The following RPS6KA2 variants were observed in gnomAD, a reference collection of about 807,000 sequenced individuals.
RPS6KA2 encodes the protein ribosomal protein S6 kinase alpha-2.
RPS6KA2 carries 42 observed loss-of-function variants against 91.8 expected under a neutral mutation model. That is an observed-to-expected ratio of 0.46 (90% CI 0.36 to 0.59). The LOEUF is 0.59. RPS6KA2 is among the 20% of genes least tolerant of loss of function. The probability of loss-of-function intolerance (pLI) is 0.00; values close to 1 mark genes in which losing one functional copy is unlikely to be tolerated. For synonymous variants in RPS6KA2, 414 were observed against 393.6 expected (o/e 1.05, Z -0.61); for missense variants, 798 against 978.5 (o/e 0.82, Z 2.46).
chr6:166,815,041 T>A (rs915871150), intron 2 of RPS6KA2, among the ~76,000 whole-genome samples: 1 of 152,234 alleles, frequency 6.6e-6, no homozygotes, highest in African/African-American at 2.4e-5. Flanking sequence ...GGACCACTGC[T>A]TTCAAGGTAG....
chr6:166,661,710 A>T (rs1446477836), intron 2 of RPS6KA2, among the ~76,000 whole-genome samples: 1 of 152,140 alleles, frequency 6.6e-6, no homozygotes, highest in Admixed American at 6.5e-5. Context: ...AGTCAAATCG[A>T]ATAGCTTCTT....
chr6:166,712,428 C>T lies in RPS6KA2; in HGVS notation c.123+145772G>A, dbSNP rs189185217. 6.0e-4 allele frequency among the ~76,000 whole-genome samples: 92 copies of T among 152,316 alleles called. 1 individual carries two copies. The highest frequency in any genetic ancestry group is 2.1e-3 in the South Asian group (10 of 4,818). ...AGATAACACTCGTCAAAACAGAGGACGACTAAGGATCTGGAGTCAAGAGTT... is the reference window on the plus strand; with the variant it reads ...AGATAACACTCGTCAAAACAGAGGATGACTAAGGATCTGGAGTCAAGAGTT... On this transcript the variant is annotated intron_variant, in intron 2 of 21. Transcript: ENST00000503859.
At chr6:166,834,177 T>C (rs1316036627) in intron 2 of RPS6KA2, among the ~76,000 whole-genome samples, 1 of 152,240 alleles carries the variant, frequency 6.6e-6, no homozygotes, top group Non-Finnish European at 1.5e-5. Context: ...TTCCAGTTAT[T>C]TCACACCTTT....
Position 166,433,731 on chromosome 6 carries a change from G to C in RPS6KA2, c.1333-1241C>G, listed in dbSNP as rs1385857801. 6.6e-6 allele frequency among the ~76,000 whole-genome samples: 1 copy of C among 152,154 alleles called. No individual in the cohort carries two copies. The highest frequency in any genetic ancestry group is 2.4e-5 in the African/African-American group (1 of 41,444). On this transcript the variant is annotated intron_variant, in intron 14 of 20. Transcript: ENST00000265678. The surrounding 1 kb of genome is among the most constrained non-coding windows in gnomAD (Gnocchi z 4.4). ...AACTTCTATCATGTCAAAGTCTCTA[G>C]GCAGAGCTTTGCATAAAACTCTATT...
chr6:166,805,411 G>A (rs1443863163), intron 2 of RPS6KA2, among the ~76,000 whole-genome samples: 2 of 152,184 alleles, frequency 1.3e-5, no homozygotes, highest in South Asian at 2.1e-4. Flanking sequence ...GAGATTTAAA[G>A]AATCGGCACA....
chr6:166,502,682 C>T (rs1005461323), intron 6 of RPS6KA2, among the ~76,000 whole-genome samples: 11 of 152,192 alleles, frequency 7.2e-5, no homozygotes, highest in African/African-American at 1.9e-4. Flanking sequence ...ACCTTGGCAA[C>T]GACCCAAGGT....
chr6:166,618,159 C>T (rs1256441659), intron 1 of RPS6KA2, among the ~76,000 whole-genome samples: 1 of 152,250 alleles, frequency 6.6e-6, no homozygotes, highest in Non-Finnish European at 1.5e-5. Flanking sequence ...CCATGGGTGG[C>T]CAAGCCACAT....
rs1244919567 is a variant in RPS6KA2, at chr6:166,733,337, C to A, written c.123+124863G>T. ...TGTCAGTAACAGCAGTGGTGTTGGC[C>A]GTCTTGATCAGTTTATTATGTCTTG... On this transcript the variant is annotated intron_variant, in intron 2 of 21. Transcript: ENST00000503859. The surrounding 1 kb of genome is among the most constrained non-coding windows in gnomAD (Gnocchi z 4.1). Among the ~76,000 whole-genome samples the A allele has an allele frequency of 6.6e-6, 1 of 152,084 alleles. No individual in the cohort carries two copies. Among genetic ancestry groups the A allele is most frequent in the Non-Finnish European group, 1.5e-5 (1 of 68,020 alleles).
intron 2 of RPS6KA2, among the ~76,000 whole-genome samples, chr6:166,833,848 G>A (rs1002499649): frequency 6.6e-6 from 1 of 152,056 alleles, no homozygotes; most frequent in Non-Finnish European, 1.5e-5. Context: ...TTTCATGGAT[G>A]TATGTTTTTA....
rs1332463868 is a variant in RPS6KA2, at chr6:166,430,595, T to G, written c.1439A>C (p.Lys480Thr). ...ITLKDVYDDG[K>T]FVYLVMELMR... is the part of the protein sequence containing the mutation. ...CAGCTCCATTACCAGGTACACAAAC[T>G]TGCCATCATCATAGACCTGCGGAGT... is the stretch of plus-strand genomic sequence containing the variant. The change falls in exon 16 of 21, where the codon AAG becomes ACG. Residue 480 changes from lysine to threonine, a missense_variant. Physicochemically the swap from Lys to Thr is moderately conservative, Grantham distance 78 (BLOSUM62 -1). Coordinates refer to ENST00000265678, the MANE Select transcript of RPS6KA2 (RefSeq NM_021135.6). 8.7e-6 allele frequency: 14 copies of G among 1,613,470 alleles called. No individual in the cohort carries two copies. Among genetic ancestry groups the G allele is most frequent in the Non-Finnish European group, 1.1e-5 (13 of 1,179,704 alleles).
chr6:166,526,372 G>T (rs138147691), intron 3 of RPS6KA2, among the ~76,000 whole-genome samples: 1,535 of 134,612 alleles, frequency 0.011, 32 homozygotes, highest in African/African-American at 0.043. Flanking sequence ...TTTGGACAGG[G>T]TCTTGCTCTG....
At chr6:166,779,608 G>C (rs1778713217) in intron 2 of RPS6KA2, among the ~76,000 whole-genome samples, 1 of 152,194 alleles carries the variant, frequency 6.6e-6, no homozygotes, top group Admixed American at 6.5e-5. Flanking sequence ...GTCTAGTCAG[G>C]ATCCAGATCA....
intron 6 of RPS6KA2, among the ~76,000 whole-genome samples, chr6:166,503,328 G>A (rs576534138): frequency 4.6e-5 from 7 of 152,382 alleles, no homozygotes; most frequent in South Asian, 2.1e-4. Flanking sequence ...CAGTGGATAT[G>A]GGATGTGACC....
At position 166,596,512 on chromosome 6, in the gene RPS6KA2, A is replaced by G. The variant is rs570314583; in HGVS notation, c.99+30409T>C. Among the ~76,000 whole-genome samples the G allele has an allele frequency of 2.0e-5, 3 of 152,222 alleles. No homozygotes were observed. In the South Asian group the frequency reaches 6.2e-4, roughly 32 times the overall value. On this transcript the variant is annotated intron_variant, in intron 1 of 20. Transcript: ENST00000265678. ...CTGTACTAGATGCCTCCTACCCTCG[A>G]TCATCAGACTCCAAGTTCTTCAGTC...
chr6:166,521,787 G>T (rs987202790), intron 3 of RPS6KA2, among the ~76,000 whole-genome samples: 2 of 152,256 alleles, frequency 1.3e-5, no homozygotes, highest in Non-Finnish European at 2.9e-5. Flanking sequence ...ATGTGGGAAA[G>T]ATATGAATTT....
chr6:166,778,771 AC>A (rs1778690954), intron 2 of RPS6KA2, among the ~76,000 whole-genome samples: 1 of 152,204 alleles, frequency 6.6e-6, no homozygotes, highest in Admixed American at 6.5e-5. Flanking sequence ...TATCAAAAAA[AC>A]AACAAGATTA....
rs532435827 is a variant in RPS6KA2 at position 166,515,329 on chromosome 6, G to A, written c.299-4972C>T. ...GTGATGAGGACATCGCTCATCCCCC[G>A]GGAGGGGCCCGCAGCTGGGTCTGTG... is the stretch of plus-strand genomic sequence containing the variant. On this transcript the variant is annotated intron_variant, in intron 3 of 20. Transcript: ENST00000265678. 3.3e-5 allele frequency among the ~76,000 whole-genome samples: 5 copies of A among 152,330 alleles called. No individual in the cohort carries two copies. The South Asian group carries it at 6.2e-4, about 19-fold the overall frequency.
At chr6:166,695,867 G>A (rs958832493) in intron 2 of RPS6KA2, among the ~76,000 whole-genome samples, 8 of 151,952 alleles carry the variant, frequency 5.3e-5, no homozygotes, top group African/African-American at 1.9e-4. Context: ...ATTCTCATAG[G>A]AGCACTAAAT....
At chr6:166,541,786 T>C (rs2128496189) in intron 1 of RPS6KA2, among the ~76,000 whole-genome samples, 1 of 152,358 alleles carries the variant, frequency 6.6e-6, no homozygotes, top group South Asian at 2.1e-4. Flanking sequence ...TTTCAAATTT[T>C]GTGCAGATTC....
Sources: gnomAD v4.1 joint callset for allele counts (sites outside exome capture counted in the v4.1 genomes callset) on GRCh38, gnomAD v4.1.1 for gene constraint, Gnocchi (gnomAD v3.1) non-coding constraint, MANE v1.5 for transcripts, NCBI Gene and HGNC (gene_info 2026-07-23, HGNC 2026-07-21) for gene names.